Variants in NINL observed in about 807,000 individuals in gnomAD.
NINL encodes the protein ninein like, also known as ninein-like protein.
In NINL, 153 loss-of-function variants were observed where a neutral mutation model predicts 160.3. The observed-to-expected ratio is 0.95, with a 90% CI of 0.84 to 1.09. The LOEUF (loss-of-function observed/expected upper bound fraction) is 1.09. Ranked by LOEUF, NINL falls within the 50% of genes least tolerant of loss-of-function variation. The pLI, the probability that NINL is intolerant of heterozygous loss-of-function variation, is 0.00. For synonymous variants in NINL, 800 were observed against 734.8 expected, an observed-to-expected ratio of 1.09 and a Z score of -1.43; for missense variants, 1,829 against 1,764.0, an observed-to-expected ratio of 1.04 and a Z score of -0.66.
chr20:25,552,668 G>A (rs1010461489), intron 1 of NINL, among the ~76,000 whole-genome samples: 3 of 152,178 alleles, frequency 2.0e-5, no homozygotes, highest in African/African-American at 7.2e-5. Context: ...AACTCAGTCA[G>A]GTCTAGACAC....
chr20:25,475,976 G>A lies in NINL; in HGVS notation c.3248+67C>T, dbSNP rs374277617. The A allele has an allele frequency of 2.1e-4, 317 of 1,495,078 alleles. 1 individual carries two copies. In the East Asian group the frequency reaches 3.3e-3, roughly 16 times the overall value. 92.6% of individuals were successfully genotyped at this position (1,495,078 alleles called of 1,614,324 possible). On this transcript the variant is annotated intron_variant, in intron 17 of 23. Coordinates refer to ENST00000278886, the MANE Select transcript of NINL (RefSeq NM_025176.6). ...GCCACATAGCACCATTAGCAACAGG[G>A]GTCAGTGGGTTAGTTCTGCATTTTT...
At chr20:25,516,021 G>A (rs377335624) in intron 3 of NINL, among the ~76,000 whole-genome samples, 11 of 151,948 alleles carry the variant, frequency 7.2e-5, no homozygotes, top group Non-Finnish European at 1.2e-4. Context: ...TGATCTGCCC[G>A]CCTCAGCCTC....
At position 25,472,939 on chromosome 20, in the gene NINL, T is replaced by C. The variant is rs187162107; in HGVS notation, c.3249-2844A>G. On this transcript the variant is annotated intron_variant, in intron 17 of 23. Transcript: ENST00000278886. ...TGCAAGAACGTTCAGTGCAGTTCCA[T>C]TTGTGAGAGCCAAAAACTAGGAACT... Among the ~76,000 whole-genome samples, 16 of 152,340 alleles carry C rather than the reference T, an allele frequency of 1.1e-4. No individual in the cohort carries two copies. In the East Asian group the frequency reaches 2.5e-3, roughly 24 times the overall value.
chr20:25,500,850 T>C lies in NINL; in HGVS notation c.1022A>G (p.Glu341Gly), dbSNP rs765034420. ...CACCCAGTTCCAAACCTGCAAGATCTCCCTGCCATTCTGAATCCCCTCCTG... is the reference window on the plus strand; with the variant it reads ...CACCCAGTTCCAAACCTGCAAGATCCCCCTGCCATTCTGAATCCCCTCCTG... ...WTQEGIQNGR[E>G]ILQSLDFSVD... The change falls in exon 8 of 24, where the codon GAG (glutamate) becomes GGG (glycine). Residue 341 changes from glutamate to glycine, a missense_variant. By Grantham distance (98) the Glu-to-Gly change is moderately conservative. Transcript: ENST00000278886. 7 of 1,613,674 alleles carry C rather than the reference T, an allele frequency of 4.3e-6. No homozygotes were observed.
At chr20:25,552,243 T>C (rs2064813995) in intron 1 of NINL, among the ~76,000 whole-genome samples, 1 of 151,946 alleles carries the variant, frequency 6.6e-6, no homozygotes, top group South Asian at 2.1e-4. Flanking sequence ...GTTAAAAATC[T>C]ACTAAAAGAG....
At position 25,500,823 on chromosome 20, in the gene NINL, A is replaced by G. The variant is rs747039456; in HGVS notation, c.1032+17T>C. 7 of 1,610,266 alleles carry G rather than the reference A, an allele frequency of 4.3e-6. No homozygotes were observed. In the East Asian group the frequency reaches 6.7e-5, roughly 15 times the overall value. On this transcript the variant is annotated intron_variant, in intron 8 of 23. Transcript: ENST00000278886. ...CCCAGGTCCCCTGTCCAGCTTAGGCATCACCCAGTTCCAAACCTGCAAGAT... is the reference window on the plus strand; with the variant it reads ...CCCAGGTCCCCTGTCCAGCTTAGGCGTCACCCAGTTCCAAACCTGCAAGAT...
chr20:25,483,587 T>C (rs1259997721), intron 13 of NINL, among the ~76,000 whole-genome samples: 1 of 152,248 alleles, frequency 6.6e-6, no homozygotes, highest in African/African-American at 2.4e-5. Context: ...AAGGATGATG[T>C]TGGTAAGGAG....
chr20:25,505,253 T>C lies in NINL; in HGVS notation c.518-175A>G, dbSNP rs568648419. 1.0e-4 allele frequency among the ~76,000 whole-genome samples: 15 copies of C among 148,278 alleles called. No homozygotes were observed. The East Asian group carries it at 3.0e-3, about 30-fold the overall frequency. On this transcript the variant is annotated intron_variant, in intron 5 of 23. Coordinates refer to ENST00000278886, the MANE Select transcript of NINL (RefSeq NM_025176.6). ...CAAACACCGTGAGATCTCACTCACA[T>C]GTGGGATCTAAGGAAAGGGGAACTC...
chr20:25,542,131 A>G (rs2064673274), intron 1 of NINL, among the ~76,000 whole-genome samples: 1 of 152,198 alleles, frequency 6.6e-6, no homozygotes, highest in South Asian at 2.1e-4. Context: ...TGTCCTCCAA[A>G]GCATGGGCTC....
chr20:25,464,921 AGG>A (rs1226040558), intron 19 of NINL, among the ~76,000 whole-genome samples: 1 of 152,230 alleles, frequency 6.6e-6, no homozygotes, highest in African/African-American at 2.4e-5. Flanking sequence ...GACACTGTGC[AGG>A]GAGCTGCATC....
chr20:25,511,886 G>C (rs755951037), intron 4 of NINL, among the ~76,000 whole-genome samples: 3 of 152,150 alleles, frequency 2.0e-5, no homozygotes, highest in African/African-American at 7.2e-5. Context: ...CTGGGGGCCC[G>C]ACCTGTCTAA....
intron 9 of NINL, among the ~76,000 whole-genome samples, chr20:25,497,883 CT>C (rs2063790287): frequency 6.6e-6 from 1 of 152,196 alleles, no homozygotes; most frequent in Non-Finnish European, 1.5e-5. Flanking sequence ...TCCCAAGCAC[CT>C]CAACAAGTGG....
intron 13 of NINL, among the ~76,000 whole-genome samples, chr20:25,488,222 G>A (rs1003641698): frequency 2.6e-5 from 4 of 152,122 alleles, no homozygotes; most frequent in Non-Finnish European, 5.9e-5. Context: ...ACTTCCTTGC[G>A]CTCATTCTCT....
chr20:25,489,272 A>G lies in NINL; in HGVS notation c.1649T>C (p.Val550Ala). 2.5e-6 allele frequency: 4 copies of G among 1,614,076 alleles called. No individual in the cohort carries two copies. The highest frequency in any genetic ancestry group is 3.4e-6 in the Non-Finnish European group (4 of 1,180,006). Residue 550 changes from valine (V) to alanine (A), a missense_variant, in exon 13 of 24, where the codon GTC (valine) becomes GCC (alanine). Coordinates refer to ENST00000278886, the MANE Select transcript of NINL (RefSeq NM_025176.6). ...GCACTTGAGCTCGTATTCCTTCAGGACTGCTGCGAACCGCTCCTCCTGGGC... is the reference window on the plus strand; with the variant it reads ...GCACTTGAGCTCGTATTCCTTCAGGGCTGCTGCGAACCGCTCCTCCTGGGC... ...LLAQEERFAAVLKEYELKCRD... is the reference protein window; with the variant it reads ...LLAQEERFAAALKEYELKCRD...
chr20:25,480,296 C>T (rs771325515), intron 14 of NINL, 29 bp from the exon 15 acceptor site: 5 of 1,590,878 alleles, frequency 3.1e-6, no homozygotes, highest in Non-Finnish European at 4.3e-6. Flanking sequence ...TTCCGTTTGT[C>T]ACACTGAGGA....
At position 25,453,690 on chromosome 20, in the gene NINL, GCTA is replaced by G. The variant is rs1568821168; in HGVS notation, c.3958-51_3958-49del. On this transcript the variant is annotated intron_variant, in intron 23 of 23. Transcript: ENST00000278886. ...CTTTGCATGAGGCCGGTGGAGAAAC[GCTA>G]CAGATCAGCCTGCTCTCTTTTATCC... 3 of 1,503,766 alleles carry G rather than the reference GCTA, an allele frequency of 2.0e-6. No individual in the cohort carries two copies. In the South Asian group the frequency reaches 3.7e-5, roughly 19 times the overall value. 93.2% of individuals were successfully genotyped at this position (1,503,766 alleles called of 1,614,324 possible).
chr20:25,489,872 C>A lies in NINL; in HGVS notation c.1596+3G>T. On this transcript the variant is annotated splice_donor_region_variant and intron_variant, in intron 12 of 23. Coordinates refer to ENST00000278886, the MANE Select transcript of NINL (RefSeq NM_025176.6). ...GAGGCAGACTGTCAGCAAAGGGACTCGCCTTGTCCTTCAGCACAAACTCCA... is the reference window on the plus strand; with the variant it reads ...GAGGCAGACTGTCAGCAAAGGGACTAGCCTTGTCCTTCAGCACAAACTCCA... The A allele has an allele frequency of 6.2e-7, 1 of 1,613,846 alleles. No individual in the cohort carries two copies. Among genetic ancestry groups the A allele is most frequent in the Non-Finnish European group, 8.5e-7 (1 of 1,179,768 alleles).
At chr20:25,480,440 A>G (rs1039127559) in intron 14 of NINL, among the ~76,000 whole-genome samples, 173 bp from the exon 15 acceptor site, 1 of 152,144 alleles carries the variant, frequency 6.6e-6, no homozygotes, top group African/African-American at 2.4e-5. Flanking sequence ...GCATTCCGTT[A>G]TTTATCAGAA....
chr20:25,494,896 G>A (rs577689960), intron 10 of NINL, among the ~76,000 whole-genome samples: 17 of 152,290 alleles, frequency 1.1e-4, no homozygotes, highest in Admixed American at 7.2e-4. Context: ...AGTGGCCTTC[G>A]GCTGACCCAG....
Sources: allele counts gnomAD v4.1 joint callset (sites outside exome capture counted in the v4.1 genomes callset), GRCh38; gene constraint gnomAD v4.1.1; transcripts MANE v1.5; gene names NCBI Gene and HGNC (gene_info 2026-07-23, HGNC 2026-07-21).